ABCB1: variants seen among roughly 807,000 people sequenced by gnomAD.
ABCB1 encodes ATP-dependent translocase ABCB1.
In ABCB1, 69 loss-of-function variants were observed where a neutral mutation model predicts 142.0. That is an observed-to-expected ratio of 0.49 (90% CI 0.40 to 0.59). The LOEUF is 0.59. Among genes scored for constraint, ABCB1 ranks in the 20% least tolerant of loss-of-function variants. The pLI is 0.00. For missense variants in ABCB1, 1,326 were observed against 1,554.7 expected, an observed-to-expected ratio of 0.85 and a Z score of 2.47; for synonymous variants, 532 against 539.2, an observed-to-expected ratio of 0.99 and a Z score of 0.18.
intron 1 of ABCB1, among the ~76,000 whole-genome samples, chr7:87,702,299 GA>G (rs1829158498): frequency 1.3e-5 from 2 of 150,812 alleles, no homozygotes; most frequent in East Asian, 3.9e-4. Context: ...ATTTTTTAGG[GA>G]CAGGGTCTTG....
intron 7 of ABCB1, 145 bp from the exon 8 acceptor site, chr7:87,561,532 A>T: frequency 1.3e-6 from 1 of 788,508 alleles, no homozygotes; most frequent in Admixed American, 2.7e-5. Context: ...TTTGGTCTGT[A>T]TTAACAGCCA....
At chr7:87,620,153 C>CT (rs1047914068) in intron 1 of ABCB1, among the ~76,000 whole-genome samples, 9 of 151,028 alleles carry the variant, frequency 6.0e-5, no homozygotes, top group Admixed American at 1.3e-4. Context: ...TTTTTCTTTT[C>CT]TTTTTTTTTC....
chr7:87,674,301 G>A (rs145741954), intron 1 of ABCB1, among the ~76,000 whole-genome samples: 120 of 152,276 alleles, frequency 7.9e-4, no homozygotes, highest in African/African-American at 2.7e-3. Context: ...TGTGGCAGGG[G>A]TGGGGGTACT....
At chr7:87,528,682 G>A (rs1815903529) in intron 21 of ABCB1, among the ~76,000 whole-genome samples, 1 of 152,096 alleles carries the variant, frequency 6.6e-6, no homozygotes, top group Non-Finnish European at 1.5e-5. Flanking sequence ...GAATAAGTGT[G>A]GGCTCTAATG....
At chr7:87,631,802 T>C (rs1326075188) in intron 1 of ABCB1, among the ~76,000 whole-genome samples, 1 of 152,198 alleles carries the variant, frequency 6.6e-6, no homozygotes, top group East Asian at 1.9e-4. Flanking sequence ...CATTAACTAG[T>C]GTGCACTTTT....
At chr7:87,615,256 A>G (rs1157889503) in intron 1 of ABCB1, among the ~76,000 whole-genome samples, 1 of 152,204 alleles carries the variant, frequency 6.6e-6, no homozygotes, top group Non-Finnish European at 1.5e-5. Flanking sequence ...TACACAGAGT[A>G]AGGGCTTCCT....
In ABCB1 at chr7:87,577,429, A is replaced by T. The variant is rs147959877; in HGVS notation, c.287-7206T>A. On this transcript the variant is annotated intron_variant, in intron 4 of 27. Coordinates refer to ENST00000622132, the MANE Select transcript of ABCB1 (RefSeq NM_001348946.2). The stretch of plus-strand genomic sequence containing the variant: ...CCTTTCTTTTGAGTATTTCCCCAGC[A>T]GAGGGATAACTGGATCATATGGTAG... 1.4e-3 allele frequency among the ~76,000 whole-genome samples: 210 copies of T among 152,302 alleles called. 1 individual carries two copies. The highest frequency in any genetic ancestry group is 4.6e-3 in the African/African-American group (192 of 41,594).
At chr7:87,600,085 T>C in intron 2 of ABCB1, 32 bp downstream of exon 2, 2 of 1,575,722 alleles carry the variant, frequency 1.3e-6, no homozygotes, top group Non-Finnish European at 1.7e-6. Flanking sequence ...CTCGCAACTA[T>C]GTAAACTATG....
At chr7:87,687,547 T>C (rs762951832) in intron 1 of ABCB1, among the ~76,000 whole-genome samples, 2 of 152,198 alleles carry the variant, frequency 1.3e-5, no homozygotes, top group Non-Finnish European at 2.9e-5. Context: ...TTACCAGGAC[T>C]AAGATCTTCA....
Position 87,553,876 on chromosome 7 carries a change from G to A in ABCB1, c.884C>T (p.Ala295Val). 1 of 1,614,040 alleles carries A rather than the reference G, an allele frequency of 6.2e-7. No individual in the cohort carries two copies. The highest frequency in any genetic ancestry group is 1.1e-5 in the South Asian group (1 of 91,074). ...KRIGIKKAITANISIGAAFLL... is the reference protein window; with the variant it reads ...KRIGIKKAITVNISIGAAFLL... ...GAAAGCAGCACCTATAGAAATATTG[G>A]CTGTAATAGCTTTCTTTATCCCAAT... The change falls in exon 9 of 28, where the codon GCC becomes GTC. Residue 295 changes from alanine (A) to valine (V), a missense_variant. By Grantham distance (64) the Ala-to-Val change is moderately conservative (BLOSUM62 0). Transcript: ENST00000622132.
intron 21 of ABCB1, among the ~76,000 whole-genome samples, chr7:87,522,797 TC>T (rs1815576869): frequency 6.6e-6 from 1 of 152,190 alleles, no homozygotes; most frequent in Non-Finnish European, 1.5e-5. Flanking sequence ...ATTGTTTTTT[TC>T]CTAAGTGCAT....
chr7:87,547,346 C>T (rs530992782), intron 14 of ABCB1, among the ~76,000 whole-genome samples: 1 of 152,252 alleles, frequency 6.6e-6, no homozygotes, highest in Non-Finnish European at 1.5e-5. Context: ...TCAAAATTTA[C>T]ACCCTAAAGT....
intron 7 of ABCB1, among the ~76,000 whole-genome samples, chr7:87,565,826 G>A (rs933796894): frequency 1.3e-5 from 2 of 151,430 alleles, no homozygotes; most frequent in Non-Finnish European, 2.9e-5. Flanking sequence ...AGGTAGATAT[G>A]AGAGCTACAT....
chr7:87,689,332 A>G (rs902741579), intron 1 of ABCB1, among the ~76,000 whole-genome samples: 3 of 152,114 alleles, frequency 2.0e-5, no homozygotes, highest in Non-Finnish European at 4.4e-5. Context: ...TTCTGTCAGA[A>G]AATTAATGAG....
At chr7:87,508,218 G>T (rs1814836641) in intron 26 of ABCB1, among the ~76,000 whole-genome samples, 1 of 152,152 alleles carries the variant, frequency 6.6e-6, no homozygotes, top group African/African-American at 2.4e-5. Flanking sequence ...CTGAAATTCT[G>T]AAACTTTTTG....
chr7:87,669,038 G>A (rs1825562082), intron 1 of ABCB1, among the ~76,000 whole-genome samples: 1 of 121,554 alleles, frequency 8.2e-6, no homozygotes, highest in Non-Finnish European at 1.8e-5. Context: ...TTTGTTAATT[G>A]TCTGCCTCAA....
intron 27 of ABCB1, 21 bp from the exon 28 acceptor site, chr7:87,504,470 T>C (rs1168221028): frequency 1.2e-6 from 2 of 1,613,768 alleles, no homozygotes; most frequent in Admixed American, 1.7e-5. Context: ...ATCACATAGA[T>C]TAATTCTCAT....
At chr7:87,652,027 T>G (rs1437813941) in intron 1 of ABCB1, among the ~76,000 whole-genome samples, 1 of 152,124 alleles carries the variant, frequency 6.6e-6, no homozygotes, top group East Asian at 1.9e-4. Flanking sequence ...AATAAAATTT[T>G]TATAAAAGCA....
chr7:87,601,498 T>C (rs533261882), upstream of ABCB1, among the ~76,000 whole-genome samples: 36 of 152,396 alleles, frequency 2.4e-4, no homozygotes, highest in African/African-American at 8.2e-4. Flanking sequence ...GTCAGATCAA[T>C]GCCCGTGTTT....
Sources: allele counts gnomAD v4.1 joint callset (sites outside exome capture counted in the v4.1 genomes callset), GRCh38; gene constraint gnomAD v4.1.1; transcripts MANE v1.5; gene names NCBI Gene and HGNC (gene_info 2026-07-23, HGNC 2026-07-21).